Variants in PRICKLE1 observed in about 807,000 individuals in gnomAD.
The protein encoded by PRICKLE1 is prickle planar cell polarity protein 1, also known as prickle-like protein 1.
In PRICKLE1, 14 loss-of-function variants were observed where a neutral mutation model predicts 70.2. That is an observed-to-expected ratio of 0.20 (90% CI 0.13 to 0.31). PRICKLE1 has a LOEUF of 0.31. Ranked by LOEUF, PRICKLE1 falls within the 10% of genes least tolerant of loss-of-function variation. PRICKLE1 has a pLI of 1.00. For synonymous variants in PRICKLE1, 357 were observed against 379.9 expected (o/e 0.94, Z 0.70); for missense variants, 821 against 1,026.2 (o/e 0.80, Z 2.73).
chr12:42,509,797 C>A (rs146125374), intron 1 of PRICKLE1, among the ~76,000 whole-genome samples: 1 of 151,934 alleles, frequency 6.6e-6, no homozygotes. Flanking sequence ...AATCATGGCC[C>A]GGCGAGGTGG....
rs1447639944 is a variant in PRICKLE1, at chr12:42,496,676, C to G, written c.-48-24112G>C. Among the ~76,000 whole-genome samples the G allele has an allele frequency of 8.3e-4, 127 of 152,320 alleles. 1 individual carries two copies. The highest frequency in any genetic ancestry group is 3.0e-3 in the African/African-American group (123 of 41,554). ...TTGCTGCAGCTTCTCCATCACCACT[C>G]GCTACTTCACCTTGCACTTTCATGT... On this transcript the variant is annotated intron_variant, in intron 1 of 7. Coordinates refer to ENST00000345127, the MANE Select transcript of PRICKLE1 (RefSeq NM_153026.3).
chr12:42,550,405 T>A (rs1043860234), intron 1 of PRICKLE1: 3 of 152,208 alleles, frequency 2.0e-5, no homozygotes, highest in Non-Finnish European at 4.4e-5. Context: ...AGCAATATCA[T>A]TTGGTTAAAA....
At chr12:42,570,553 C>T (rs1172352492) in intron 1 of PRICKLE1, among the ~76,000 whole-genome samples, 1 of 152,198 alleles carries the variant, frequency 6.6e-6, no homozygotes, top group Admixed American at 6.6e-5. Flanking sequence ...GCACAGTGGG[C>T]TCATGCCTGT....
At chr12:42,509,618 G>C (rs1475679146) in intron 1 of PRICKLE1, among the ~76,000 whole-genome samples, 1 of 152,124 alleles carries the variant, frequency 6.6e-6, no homozygotes, top group Non-Finnish European at 1.5e-5. Context: ...GGTTTGTTGA[G>C]TACCTGAATG....
chr12:42,467,765 A>G (rs987484847), intron 5 of PRICKLE1, among the ~76,000 whole-genome samples: 3 of 152,200 alleles, frequency 2.0e-5, no homozygotes, highest in African/African-American at 4.8e-5. Context: ...AATCAAAACA[A>G]AACAAAAACA....
At chr12:42,504,596 C>T (rs1441957121) in intron 1 of PRICKLE1, among the ~76,000 whole-genome samples, 2 of 152,042 alleles carry the variant, frequency 1.3e-5, no homozygotes, top group Non-Finnish European at 2.9e-5. Flanking sequence ...TAACAGAAAC[C>T]AAAGTAACTT....
chr12:42,506,567 CTTTTTTTTTTTTTTTTTTTT>C (rs139103281), intron 1 of PRICKLE1, among the ~76,000 whole-genome samples: 1 of 64,608 alleles, frequency 1.5e-5, no homozygotes, highest in African/African-American at 5.6e-5. Context: ...CAATAGTGTT[CTTTTTTTTTTTTTTTTTTTT>C]TTTTTTTTGA....
At chr12:42,476,779 G>A (rs1373431174) in intron 1 of PRICKLE1, among the ~76,000 whole-genome samples, 1 of 151,756 alleles carries the variant, frequency 6.6e-6, no homozygotes, top group Non-Finnish European at 1.5e-5. Context: ...TCCCAAGTAG[G>A]TGGGACCACG....
chr12:42,584,835 G>A (rs994622862), intron 1 of PRICKLE1, among the ~76,000 whole-genome samples: 3 of 152,068 alleles, frequency 2.0e-5, no homozygotes, highest in African/African-American at 4.8e-5. Context: ...GTCTACTTAC[G>A]GGTCTGCATC....
chr12:42,552,605 A>G (rs1235504569), intron 1 of PRICKLE1, among the ~76,000 whole-genome samples: 3 of 152,242 alleles, frequency 2.0e-5, no homozygotes, highest in Admixed American at 2.0e-4. Context: ...TCCCATCGTC[A>G]GAAGGAAGGC....
chr12:42,525,836 C>T (rs1022989595), intron 1 of PRICKLE1, among the ~76,000 whole-genome samples: 1 of 151,612 alleles, frequency 6.6e-6, no homozygotes, highest in Non-Finnish European at 1.5e-5. Context: ...TTGATGTAGG[C>T]AGTAAAAGTG....
intron 1 of PRICKLE1, among the ~76,000 whole-genome samples, chr12:42,497,848 G>C (rs1030614613): frequency 1.3e-5 from 2 of 149,668 alleles, no homozygotes; most frequent in South Asian, 2.1e-4. Context: ...AAGCATGCTG[G>C]TATCTTTCCT....
intron 1 of PRICKLE1, among the ~76,000 whole-genome samples, chr12:42,563,820 G>A (rs765529807): frequency 6.6e-6 from 1 of 151,198 alleles, no homozygotes; most frequent in African/African-American, 2.4e-5. Context: ...GAGAGTATAC[G>A]ATTTGTCATG....
chr12:42,520,480 A>G (rs1311593479), intron 1 of PRICKLE1, among the ~76,000 whole-genome samples: 1 of 152,230 alleles, frequency 6.6e-6, no homozygotes, highest in Non-Finnish European at 1.5e-5. Context: ...TGCAATGGAA[A>G]TGCAAAATTT....
intron 1 of PRICKLE1, among the ~76,000 whole-genome samples, chr12:42,561,185 C>A (rs2120704420): frequency 6.6e-6 from 1 of 152,248 alleles, no homozygotes; most frequent in African/African-American, 2.4e-5. Flanking sequence ...GGAGACTGAG[C>A]CAACAAGGGA....
chr12:42,459,290 C>A lies in PRICKLE1; in HGVS notation c.*519G>T, dbSNP rs1937701023. ...TTTCAATCTGTAGCTGGCGCTGATACAATACAATGTTTACCTGGCCAAAGA... is the reference window on the plus strand; with the variant it reads ...TTTCAATCTGTAGCTGGCGCTGATAAAATACAATGTTTACCTGGCCAAAGA... On this transcript the variant is annotated 3_prime_UTR_variant, in exon 8 of 8. Transcript: ENST00000345127. 1.4e-6 allele frequency: 1 copy of A among 700,646 alleles called. No homozygotes were observed. The allele number at this position is 700,646 out of a possible 1,614,324, so 43.4% of individuals were successfully genotyped here. A position where few individuals can be genotyped will look rare whatever the true frequency, so the allele number is the denominator to read the frequency against.
At chr12:42,467,798 T>C (rs943366276) in intron 5 of PRICKLE1, among the ~76,000 whole-genome samples, 1 of 151,992 alleles carries the variant, frequency 6.6e-6, no homozygotes, top group African/African-American at 2.4e-5. Context: ...AATAGAACAT[T>C]GTTGAAAAAA....
chr12:42,578,558 T>C (rs369079152), intron 1 of PRICKLE1, among the ~76,000 whole-genome samples: 1 of 152,138 alleles, frequency 6.6e-6, no homozygotes, highest in East Asian at 1.9e-4. Context: ...ATACGCATCT[T>C]TCCTTCTATT....
chr12:42,480,423 A>G (rs1938752168), intron 1 of PRICKLE1, among the ~76,000 whole-genome samples: 1 of 152,224 alleles, frequency 6.6e-6, no homozygotes, highest in African/African-American at 2.4e-5. Flanking sequence ...CCTGTCCCAA[A>G]AAAAAATCTA....
Sources: gnomAD v4.1 joint callset for allele counts (sites outside exome capture counted in the v4.1 genomes callset) on GRCh38, gnomAD v4.1.1 for gene constraint, MANE v1.5 for transcripts, NCBI Gene and HGNC (gene_info 2026-07-23, HGNC 2026-07-21) for gene names.